The following FAM20B variants were observed in gnomAD, a reference collection of about 807,000 sequenced individuals.
FAM20B encodes FAM20B glycosaminoglycan xylosylkinase, also known as glycosaminoglycan xylosylkinase.
In FAM20B, 23 loss-of-function variants were observed where a neutral mutation model predicts 43.8. The ratio of observed to expected loss-of-function variants is 0.53; its 90% CI spans 0.38 to 0.74. FAM20B has a LOEUF of 0.74. Among genes scored for constraint, FAM20B ranks in the 30% least tolerant of loss-of-function variants. The pLI, the probability that FAM20B is intolerant of heterozygous loss-of-function variation, is 0.00. For synonymous variants in FAM20B, 178 were observed against 192.4 expected (o/e 0.93, Z 0.62); for missense variants, 440 against 510.5 (o/e 0.86, Z 1.33).
chr1:179,055,765 T>G (rs1375383821), intron 4 of FAM20B, among the ~76,000 whole-genome samples: 1 of 152,142 alleles, frequency 6.6e-6, no homozygotes, highest in East Asian at 1.9e-4. Flanking sequence ...TAGAGGAGGT[T>G]ATTAACACTT....
chr1:179,072,501 T>C lies in FAM20B; in HGVS notation c.*357T>C. ...GGAGCATGTGTTTTGAGTTGAACCT[T>C]GCAGTCCTTTCTCTACGCCCGTGGA... On this transcript the variant is annotated 3_prime_UTR_variant, in exon 8 of 8. Transcript: ENST00000263733. 4.7e-6 allele frequency: 1 copy of C among 212,090 alleles called. No homozygotes were observed. The highest frequency in any genetic ancestry group is 9.4e-6 in the Non-Finnish European group (1 of 105,954). 13.1% of individuals were successfully genotyped at this position (212,090 alleles called of 1,614,324 possible).
At chr1:179,051,645 A>T (rs1651011592) in intron 3 of FAM20B, among the ~76,000 whole-genome samples, 2 of 152,068 alleles carry the variant, frequency 1.3e-5, no homozygotes, top group Non-Finnish European at 2.9e-5. Context: ...AAAATAAAAT[A>T]ATAAATAAAT....
At chr1:179,066,534 AT>A (rs1352374888) in intron 6 of FAM20B, among the ~76,000 whole-genome samples, 2 of 152,100 alleles carry the variant, frequency 1.3e-5, no homozygotes, top group African/African-American at 4.8e-5. Context: ...TACCATAGTT[AT>A]GCTCCAGCAC....
chr1:179,039,300 C>A (rs185922146), intron 1 of FAM20B, among the ~76,000 whole-genome samples: 2 of 152,272 alleles, frequency 1.3e-5, no homozygotes, highest in Non-Finnish European at 2.9e-5. Context: ...ATTGTATGTT[C>A]TTGACACCCT....
At position 179,054,515 on chromosome 1, in the gene FAM20B, A is replaced by G. The variant is rs765652663; in HGVS notation, c.465-14A>G. ...TAAGATTTTTCTCTTCTGTTCTTCA[A>G]TCTTCCAAACCAGGATTCTGGGTTT... On this transcript the variant is annotated splice_polypyrimidine_tract_variant and intron_variant, in intron 3 of 7. Coordinates refer to ENST00000263733, the MANE Select transcript of FAM20B (RefSeq NM_014864.4). The G allele has an allele frequency of 3.2e-6, 5 of 1,563,322 alleles. No homozygotes were observed. Among genetic ancestry groups the G allele is most frequent in the Non-Finnish European group, 1.8e-6 (2 of 1,135,346 alleles).
At chr1:179,020,794 G>A in the FAM20B span, among the ~76,000 whole-genome samples, 1 of 152,212 alleles carries the variant, frequency 6.6e-6, no homozygotes, top group Non-Finnish European at 1.5e-5. Flanking sequence ...CTCTGGGCTG[G>A]GCACAATGGC....
chr1:179,020,754 G>A, the FAM20B span, among the ~76,000 whole-genome samples: 4,462 of 152,212 alleles, frequency 0.029, 98 homozygotes, highest in Non-Finnish European at 0.042. Flanking sequence ...TTTGCAGATG[G>A]GGGCAGGCAT....
chr1:179,020,118 G>A, the FAM20B span, among the ~76,000 whole-genome samples: 1 of 151,362 alleles, frequency 6.6e-6, no homozygotes, highest in Non-Finnish European at 1.5e-5. Context: ...ACCCATAGAT[G>A]TCTATGATTT....
At chr1:179,035,674 G>T in intron 1 of FAM20B, 1 of 372,250 alleles carries the variant, frequency 2.7e-6, no homozygotes, top group Non-Finnish European at 5.0e-6. Flanking sequence ...GGACCGGAGA[G>T]GAGATTCTTG....
intron 1 of FAM20B, among the ~76,000 whole-genome samples, chr1:179,041,677 A>G (rs1650549252): frequency 6.9e-6 from 1 of 144,846 alleles, no homozygotes; most frequent in Non-Finnish European, 1.5e-5. Flanking sequence ...ACAGGGAGGG[A>G]GAGGGAGAGG....
chr1:179,056,720 C>T (rs1651234226), intron 4 of FAM20B, among the ~76,000 whole-genome samples: 1 of 152,164 alleles, frequency 6.6e-6, no homozygotes, highest in Non-Finnish European at 1.5e-5. Flanking sequence ...AAATTGTCTT[C>T]CAAAGTGGCT....
chr1:179,021,573 C>T (rs1039081117), upstream of FAM20B, among the ~76,000 whole-genome samples: 1 of 152,184 alleles, frequency 6.6e-6, no homozygotes, highest in Non-Finnish European at 1.5e-5. Flanking sequence ...ATTTCTATAG[C>T]CATACATGAC....
chr1:179,025,332 C>T (rs1364860347), upstream of FAM20B, among the ~76,000 whole-genome samples: 1 of 152,196 alleles, frequency 6.6e-6, no homozygotes, highest in South Asian at 2.1e-4. Context: ...AAGTATGTAG[C>T]AGGACGCTCC....
intron 3 of FAM20B, among the ~76,000 whole-genome samples, chr1:179,051,985 T>G (rs1232959133): frequency 6.6e-6 from 1 of 151,706 alleles, no homozygotes; most frequent in African/African-American, 2.4e-5. Flanking sequence ...AAAAAAAAGG[T>G]GAAATGTTTG....
chr1:179,025,503 A>G (rs568396576), upstream of FAM20B, among the ~76,000 whole-genome samples: 2 of 152,310 alleles, frequency 1.3e-5, no homozygotes, highest in Admixed American at 1.3e-4. Flanking sequence ...TCTCACAAAC[A>G]GAACTCGACC....
At chr1:179,026,781 C>T (rs562251808) in intron 1 of FAM20B, among the ~76,000 whole-genome samples, 31 of 152,332 alleles carry the variant, frequency 2.0e-4, no homozygotes, top group African/African-American at 6.5e-4. Flanking sequence ...CGGACCGATA[C>T]GTTTCCCTTA....
intron 1 of FAM20B, among the ~76,000 whole-genome samples, chr1:179,029,096 T>G (rs1443182990): frequency 1.3e-5 from 2 of 152,222 alleles, no homozygotes; most frequent in African/African-American, 2.4e-5. Context: ...GCAGTTGGAT[T>G]GATAGCCAGT....
At chr1:179,059,156 G>C (rs1293241697) in intron 4 of FAM20B, among the ~76,000 whole-genome samples, 3 of 152,354 alleles carry the variant, frequency 2.0e-5, no homozygotes, top group African/African-American at 7.2e-5. Context: ...CCCAAGGAGA[G>C]CATGGAGACT....
intron 4 of FAM20B, among the ~76,000 whole-genome samples, chr1:179,058,267 T>C (rs1456925234): frequency 6.6e-6 from 1 of 152,260 alleles, no homozygotes; most frequent in Non-Finnish European, 1.5e-5. Flanking sequence ...TAGTATGATA[T>C]GAAAAATCCG....
Sources: gnomAD v4.1 joint callset for allele counts (sites outside exome capture counted in the v4.1 genomes callset) on GRCh38, gnomAD v4.1.1 for gene constraint, MANE v1.5 for transcripts, NCBI Gene and HGNC (gene_info 2026-07-23, HGNC 2026-07-21) for gene names.